Variants in OPCML observed in about 807,000 individuals in gnomAD.
OPCML encodes opioid-binding protein/cell adhesion molecule.
A neutral mutation model predicts 37.8 loss-of-function variants in OPCML; 13 were observed. The observed-to-expected ratio is 0.34, with a 90% CI of 0.22 to 0.55. The LOEUF (loss-of-function observed/expected upper bound fraction) is 0.55. Among genes scored for constraint, OPCML ranks in the 20% least tolerant of loss-of-function variants. The pLI is 0.91. For synonymous variants in OPCML, 176 were observed against 168.8 expected (o/e 1.04, Z -0.33); for missense variants, 341 against 435.6 (o/e 0.78, Z 1.93).
At chr11:133,422,053 G>A (rs1945898609) in intron 1 of OPCML, 7 of 736,048 alleles carry the variant, frequency 9.5e-6, no homozygotes, top group Non-Finnish European at 9.9e-6. Flanking sequence ...GTGCCATGGT[G>A]GTTTGCTGCA....
chr11:133,274,976 G>A (rs572195733), intron 1 of OPCML, among the ~76,000 whole-genome samples: 1 of 152,134 alleles, frequency 6.6e-6, no homozygotes, highest in South Asian at 2.1e-4. Context: ...TTAAGTGGAT[G>A]TCTCTTATCC....
At chr11:133,492,373 G>A (rs535931315) in intron 1 of OPCML, among the ~76,000 whole-genome samples, 29 of 152,186 alleles carry the variant, frequency 1.9e-4, no homozygotes, top group African/African-American at 3.9e-4. Context: ...CCTAGGAGAC[G>A]AAACTCTCAT....
At chr11:133,235,038 C>T (rs561711716) in intron 1 of OPCML, among the ~76,000 whole-genome samples, 13 of 152,162 alleles carry the variant, frequency 8.5e-5, no homozygotes, top group African/African-American at 2.4e-4. Flanking sequence ...ATTGAATGAC[C>T]GACAGCAGTA....
At chr11:132,570,755 G>GTATA (rs71477765) in intron 3 of OPCML, among the ~76,000 whole-genome samples, 1,240 of 30,034 alleles carry the variant, frequency 0.041, 84 homozygotes, top group Non-Finnish European at 0.053. Context: ...AGGAAAGAGA[G>GTATA]TATATATATA....
intron 4 of OPCML, among the ~76,000 whole-genome samples, chr11:132,454,022 A>T (rs946131432): frequency 6.6e-6 from 1 of 152,242 alleles, no homozygotes; most frequent in Non-Finnish European, 1.5e-5. Context: ...CCTTCTCAAC[A>T]TAGTTTGTCA....
chr11:132,710,741 G>A (rs1944229417), intron 2 of OPCML, among the ~76,000 whole-genome samples: 1 of 151,696 alleles, frequency 6.6e-6, no homozygotes, highest in Non-Finnish European at 1.5e-5. Context: ...TGTAGTTCCA[G>A]CTACTCAGGA....
At chr11:132,735,943 G>T (rs1325567852) in intron 2 of OPCML, among the ~76,000 whole-genome samples, 1 of 152,094 alleles carries the variant, frequency 6.6e-6, no homozygotes, top group East Asian at 1.9e-4. Context: ...TAAAGGGAAA[G>T]AAAAAATGAC....
chr11:133,024,970 T>C (rs1947524294), intron 1 of OPCML: 1 of 985,450 alleles, frequency 1.0e-6, no homozygotes, highest in Non-Finnish European at 1.2e-6. Context: ...CCTATGAATC[T>C]GCATTTTAAC....
chr11:133,066,134 CAAG>C (rs952514450), intron 1 of OPCML: 3 of 152,894 alleles, frequency 2.0e-5, no homozygotes, highest in African/African-American at 7.2e-5. Flanking sequence ...CTCTGCCTGC[CAAG>C]GAGGGACCAT....
intron 2 of OPCML, among the ~76,000 whole-genome samples, chr11:132,924,746 C>T (rs570855990): frequency 2.6e-5 from 4 of 152,222 alleles, no homozygotes; most frequent in East Asian, 3.9e-4. Flanking sequence ...TTTGTGTGTT[C>T]GTTTGTTTGC....
chr11:133,447,152 A>G (rs1946489066), intron 1 of OPCML, among the ~76,000 whole-genome samples: 1 of 152,156 alleles, frequency 6.6e-6, no homozygotes, highest in Admixed American at 6.5e-5. Context: ...TTGCATTCTC[A>G]CTAGCAATGT....
intron 1 of OPCML, among the ~76,000 whole-genome samples, chr11:133,479,118 G>A (rs58316210): frequency 0.032 from 4,882 of 152,236 alleles, 211 homozygotes; most frequent in African/African-American, 0.095. Flanking sequence ...CACAGCAAGC[G>A]CTCTGCAAAT....
chr11:132,761,287 G>C (rs1215293252), intron 2 of OPCML, among the ~76,000 whole-genome samples: 2 of 146,876 alleles, frequency 1.4e-5, no homozygotes, highest in Non-Finnish European at 3.0e-5. Context: ...ATGTGTCTTA[G>C]GGTTGCTCTC....
intron 2 of OPCML, among the ~76,000 whole-genome samples, chr11:132,768,793 G>A (rs1448628319): frequency 1.3e-5 from 2 of 152,038 alleles, no homozygotes; most frequent in African/African-American, 4.8e-5. Context: ...AAGGAGACCC[G>A]GGCTCCCCAG....
chr11:132,769,061 G>A (rs1946550573), intron 2 of OPCML, among the ~76,000 whole-genome samples: 1 of 151,574 alleles, frequency 6.6e-6, no homozygotes, highest in Non-Finnish European at 1.5e-5. Context: ...GCTCTGTGAG[G>A]TGAGGAGGCT....
At chr11:132,618,951 GCATACACACACACACACA>G (rs759282463) in intron 3 of OPCML, among the ~76,000 whole-genome samples, 1 of 103,678 alleles carries the variant, frequency 9.6e-6, no homozygotes, top group African/African-American at 3.7e-5. Context: ...ACAAGCACAC[GCATACACACACACACACA>G]CACACACACA....
At position 132,477,436 on chromosome 11, in the gene OPCML, T is replaced by C. The variant is rs183277565; in HGVS notation, c.506-40077A>G. Reference sequence around the variant, plus strand: ...GGACTTCAGGAAAGAGGGAAGAGGTTATCAGTCCAGCCGAACTTGGAGTGA... The same window carrying C: ...GGACTTCAGGAAAGAGGGAAGAGGTCATCAGTCCAGCCGAACTTGGAGTGA... On this transcript the variant is annotated intron_variant, in intron 4 of 7. Transcript: ENST00000524381. 2.0e-3 allele frequency among the ~76,000 whole-genome samples: 300 copies of C among 152,296 alleles called. 1 individual carries two copies. Among genetic ancestry groups the C allele is most frequent in the Non-Finnish European group, 2.7e-3 (185 of 68,018 alleles).
chr11:132,971,757 C>T (rs1946347789), intron 1 of OPCML, among the ~76,000 whole-genome samples: 1 of 152,114 alleles, frequency 6.6e-6, no homozygotes, highest in African/African-American at 2.4e-5. Flanking sequence ...ACCTTTCCCA[C>T]CCTCTTCTTT....
intron 4 of OPCML, among the ~76,000 whole-genome samples, chr11:132,508,968 A>C (rs967492634): frequency 1.3e-5 from 2 of 152,212 alleles, no homozygotes; most frequent in African/African-American, 4.8e-5. Context: ...AGGTCTCAGA[A>C]GAAGACAGGA....
Sources: allele counts gnomAD v4.1 joint callset (sites outside exome capture counted in the v4.1 genomes callset), GRCh38; gene constraint gnomAD v4.1.1; transcripts MANE v1.5; gene names NCBI Gene and HGNC (gene_info 2026-07-23, HGNC 2026-07-21).